The following DLGAP3 variants were observed in gnomAD, a reference collection of about 807,000 sequenced individuals.
The protein encoded by DLGAP3 is DLG associated protein 3.
Under a neutral mutation model 81.2 loss-of-function variants are expected in DLGAP3, and 17 were observed. That is an observed-to-expected ratio of 0.21 (90% confidence interval 0.14 to 0.31). The LOEUF is 0.31. Ranked by LOEUF, DLGAP3 falls within the 10% of genes least tolerant of loss-of-function variation. The pLI, the probability that DLGAP3 is intolerant of heterozygous loss-of-function variation, is 1.00. For missense variants in DLGAP3, 1,124 were observed against 1,388.0 expected (o/e 0.81, Z 3.02); for synonymous variants, 577 against 587.4 (o/e 0.98, Z 0.26).
intron 2 of DLGAP3, among the ~76,000 whole-genome samples, chr1:34,906,032 ATTTGTTTG>A (rs1486501403): frequency 1.0e-4 from 13 of 126,424 alleles, no homozygotes; most frequent in South Asian, 2.4e-4. Flanking sequence ...ATATATATAT[ATTTGTTTG>A]TTTTTATATT....
At position 34,900,033 on chromosome 1, in the gene DLGAP3, C is replaced by G. The variant is rs1639431024; in HGVS notation, c.1313+35G>C. 1.3e-6 allele frequency: 2 copies of G among 1,586,244 alleles called. No individual in the cohort carries two copies. Among genetic ancestry groups the G allele is most frequent in the Non-Finnish European group, 1.7e-6 (2 of 1,160,608 alleles). ...CCCGCAGGAGTCCAGCATCAGCCTC[C>G]TGACCCCGCACCCCCCGGCCCTCCC... is the stretch of plus-strand genomic sequence containing the variant. On this transcript the variant is annotated intron_variant, in intron 4 of 11. Transcript: ENST00000373347. The surrounding 1 kb of genome is among the most constrained non-coding windows in gnomAD (Gnocchi z 5.6).
Position 34,867,206 on chromosome 1 carries a change from G to T in DLGAP3, c.2578-15C>A. 1 of 1,614,128 alleles carries T rather than the reference G, an allele frequency of 6.2e-7. No homozygotes were observed. Among genetic ancestry groups the T allele is most frequent in the Non-Finnish European group, 8.5e-7 (1 of 1,180,028 alleles). Reference sequence around the variant, plus strand: ...GCAGTGGGATCCTGCAACAGAGGAAGATGGAGGGAAAGTGATTGGTCAAGG... The same window carrying T: ...GCAGTGGGATCCTGCAACAGAGGAATATGGAGGGAAAGTGATTGGTCAAGG... On this transcript the variant is annotated splice_polypyrimidine_tract_variant and intron_variant, in intron 10 of 11. Coordinates refer to ENST00000373347, the MANE Select transcript of DLGAP3 (RefSeq NM_001080418.3). The surrounding 1 kb of genome is among the most constrained non-coding windows in gnomAD (Gnocchi z 4.3).
Position 34,869,065 on chromosome 1 carries a change from A to G in DLGAP3, c.2025T>C (p.Asn675=), listed in dbSNP as rs756178729. The change falls in exon 9 of 12, where the codon AAT becomes AAC. Residue 675 remains asparagine, a synonymous_variant. Coordinates refer to ENST00000373347, the MANE Select transcript of DLGAP3 (RefSeq NM_001080418.3). ...DKRRARFKRS[N]SVTAGVQADL... is the part of the protein sequence containing the mutation. ...CTGCCTGCACGCCAGCCGTCACACT[A>G]TTGGAGCGCTTGAACCTTGCTCGCC... 1 of 1,596,830 alleles carries G rather than the reference A, an allele frequency of 6.3e-7. No individual in the cohort carries two copies. Among genetic ancestry groups the G allele is most frequent in the Non-Finnish European group, 8.5e-7 (1 of 1,178,200 alleles).
At chr1:34,920,498 C>T (rs1233116616) in intron 1 of DLGAP3, among the ~76,000 whole-genome samples, 1 of 152,174 alleles carries the variant, frequency 6.6e-6, no homozygotes, top group Admixed American at 6.5e-5. Flanking sequence ...CCTACTAAAA[C>T]AGCAGATGTG....
chr1:34,894,356 G>A (rs1639355470), intron 5 of DLGAP3, among the ~76,000 whole-genome samples: 1 of 148,378 alleles, frequency 6.7e-6, no homozygotes, highest in African/African-American at 2.5e-5. Flanking sequence ...ATGGGGAAAA[G>A]ATATACTATG....
chr1:34,887,947 C>G (rs928901846), intron 5 of DLGAP3, among the ~76,000 whole-genome samples: 12 of 152,202 alleles, frequency 7.9e-5, no homozygotes, highest in Non-Finnish European at 1.3e-4. Flanking sequence ...CAGGGCCTCC[C>G]TGGTAAACAC....
intron 2 of DLGAP3, among the ~76,000 whole-genome samples, chr1:34,906,899 G>A (rs572729331): frequency 5.3e-5 from 8 of 152,276 alleles, no homozygotes; most frequent in Non-Finnish European, 7.4e-5. Context: ...TAGGAGCTAC[G>A]GCAGGAGGGA....
At position 34,866,091 on chromosome 1, in the gene DLGAP3, T is replaced by G; in HGVS notation, c.2932A>C (p.Arg978=). ...TGGGCGGGCCGGACCGGTCACAGCC[T>G]GGTCTGGGCCTCGGGGATGTAGATC... ...IEIYIPEAQT[R]L is the part of the protein sequence containing the mutation. The change falls in exon 12 of 12, where the codon AGG becomes CGG. Residue 978 remains arginine (R), a synonymous_variant. Transcript: ENST00000373347. The G allele has an allele frequency of 6.3e-7, 1 of 1,597,114 alleles. No individual in the cohort carries two copies. Among genetic ancestry groups the G allele is most frequent in the East Asian group, 2.2e-5 (1 of 44,624 alleles).
rs190842992 is a variant in DLGAP3, at chr1:34,871,696, G to A, written c.2001-2607C>T. ...TGCCACACCTGCGTGCTTTCCTGTC[G>A]CCCCTGCTAAACACAGCTGTGTCCT... On this transcript the variant is annotated intron_variant, in intron 8 of 11. Transcript: ENST00000373347. Among the ~76,000 whole-genome samples, 241 of 152,212 alleles carry A rather than the reference G, an allele frequency of 1.6e-3. 1 individual carries two copies. The highest frequency in any genetic ancestry group is 2.7e-3 in the Non-Finnish European group (182 of 68,012).
intron 1 of DLGAP3, among the ~76,000 whole-genome samples, chr1:34,927,516 G>A (rs1025614559): frequency 1.3e-5 from 2 of 152,206 alleles, no homozygotes; most frequent in Non-Finnish European, 2.9e-5. Context: ...AGCGGGCCCT[G>A]CCTGCCAGAT....
rs764135834 is a variant in DLGAP3, at chr1:34,869,073, G to T, written c.2017C>A (p.Arg673Ser). The change falls in exon 9 of 12, where the codon CGC becomes AGC. Residue 673 changes from arginine to serine, a missense_variant. By Grantham distance (110) the Arg-to-Ser change is moderately radical (BLOSUM62 -1). Coordinates refer to ENST00000373347, the MANE Select transcript of DLGAP3 (RefSeq NM_001080418.3). ...EEDKRRARFK[R>S]SNSVTAGVQA... Reference sequence around the variant, plus strand: ...ACGCCAGCCGTCACACTATTGGAGCGCTTGAACCTTGCTCGCCTGGGGAGA... The same window carrying T: ...ACGCCAGCCGTCACACTATTGGAGCTCTTGAACCTTGCTCGCCTGGGGAGA... The T allele has an allele frequency of 2.5e-6, 4 of 1,594,132 alleles. No individual in the cohort carries two copies. Among genetic ancestry groups the T allele is most frequent in the Admixed American group, 3.3e-5 (2 of 59,728 alleles).
Position 34,886,412 on chromosome 1 carries a change from G to T in DLGAP3, c.1387-127C>A, listed in dbSNP as rs183382248. ...GGCTGTAGGCGACTCTTCCGCATTT[G>T]AACTAAAAGAAACTCTAACTCTTTG... is the stretch of plus-strand genomic sequence containing the variant. On this transcript the variant is annotated intron_variant, in intron 5 of 11. Transcript: ENST00000373347. 6.7e-6 allele frequency: 6 copies of T among 899,732 alleles called. No homozygotes were observed. In the African/African-American group the frequency reaches 8.4e-5, roughly 13 times the overall value. 55.7% of individuals were successfully genotyped at this position (899,732 alleles called of 1,614,324 possible).
At chr1:34,919,016 CAG>C (rs1255517481) in intron 1 of DLGAP3, among the ~76,000 whole-genome samples, 1 of 152,166 alleles carries the variant, frequency 6.6e-6, no homozygotes, top group African/African-American at 2.4e-5. Flanking sequence ...TCCACGTGGG[CAG>C]AGTCGTTGCC....
chr1:34,878,725 C>T (rs1639097781), intron 8 of DLGAP3, among the ~76,000 whole-genome samples: 1 of 152,156 alleles, frequency 6.6e-6, no homozygotes, highest in South Asian at 2.1e-4. Context: ...CCATATATGA[C>T]AGCCGTCCCC....
At position 34,866,104 on chromosome 1, in the gene DLGAP3, G is replaced by C. The variant is rs762298052; in HGVS notation, c.2919C>G (p.Pro973=). 4 of 1,599,822 alleles carry C rather than the reference G, an allele frequency of 2.5e-6. No homozygotes were observed. The highest frequency in any genetic ancestry group is 1.1e-5 in the South Asian group (1 of 91,006). ...CCGGTCACAGCCTGGTCTGGGCCTCGGGGATGTAGATCTCGATGCTGTCGG... is the reference window on the plus strand; with the variant it reads ...CCGGTCACAGCCTGGTCTGGGCCTCCGGGATGTAGATCTCGATGCTGTCGG... ...ESADSIEIYI[P]EAQTRL Residue 973 remains proline (P), a synonymous_variant, in exon 12 of 12, where the codon CCC becomes CCG. Coordinates refer to ENST00000373347, the MANE Select transcript of DLGAP3 (RefSeq NM_001080418.3).
Position 34,873,650 on chromosome 1 carries a change from C to T in DLGAP3, c.2001-4561G>A, listed in dbSNP as rs1055986248. 1.3e-5 allele frequency among the ~76,000 whole-genome samples: 2 copies of T among 152,152 alleles called. No individual in the cohort carries two copies. The highest frequency in any genetic ancestry group is 2.1e-4 in the South Asian group (1 of 4,826). The stretch of plus-strand genomic sequence containing the variant: ...TCATCGGAATGTAGCACTGAGAACC[C>T]GGCTAGGGCATTGTAGTTATTAATT... On this transcript the variant is annotated intron_variant, in intron 8 of 11. Transcript: ENST00000373347. The surrounding 1 kb of genome is among the most constrained non-coding windows in gnomAD (Gnocchi z 4.2).
chr1:34,925,189 C>A (rs950390574), intron 1 of DLGAP3, among the ~76,000 whole-genome samples: 13 of 152,036 alleles, frequency 8.6e-5, no homozygotes, highest in Middle Eastern at 3.5e-3. Context: ...GACAACCCCC[C>A]CCCCACCTTC....
intron 5 of DLGAP3, among the ~76,000 whole-genome samples, chr1:34,889,666 A>G (rs987335326): frequency 6.6e-6 from 1 of 152,234 alleles, no homozygotes; most frequent in African/African-American, 2.4e-5. Context: ...CATCGTGTAT[A>G]CTTTACTTGT....
rs1557470299 is a variant in DLGAP3, at chr1:34,886,056, A to T, written c.1600+16T>A. 1 of 1,587,312 alleles carries T rather than the reference A, an allele frequency of 6.3e-7. No homozygotes were observed. The highest frequency in any genetic ancestry group is 8.6e-7 in the Non-Finnish European group (1 of 1,168,406). On this transcript the variant is annotated intron_variant, in intron 6 of 11. Transcript: ENST00000373347. ...TCCTGCCTAGGGCCGGGCCAGGGGCAGGAAGGTGTACTCACAGGAGCCGGG... is the reference window on the plus strand; with the variant it reads ...TCCTGCCTAGGGCCGGGCCAGGGGCTGGAAGGTGTACTCACAGGAGCCGGG...
Sources: allele counts gnomAD v4.1 joint callset (sites outside exome capture counted in the v4.1 genomes callset), GRCh38; gene constraint gnomAD v4.1.1; non-coding constraint Gnocchi (gnomAD v3.1); transcripts MANE v1.5; gene names NCBI Gene and HGNC (gene_info 2026-07-23, HGNC 2026-07-21).